Variants in PRKAR1A observed in about 807,000 individuals in gnomAD.
The protein encoded by PRKAR1A is protein kinase cAMP-dependent type I regulatory subunit alpha.
In PRKAR1A, 3 loss-of-function variants were observed where a neutral mutation model predicts 52.0. That is an observed-to-expected ratio of 0.06 (90% CI 0.03 to 0.15). The LOEUF (loss-of-function observed/expected upper bound fraction) is 0.15. PRKAR1A is among the 10% of genes least tolerant of loss of function. The pLI is 1.00. For synonymous variants in PRKAR1A, 188 were observed against 168.4 expected, an observed-to-expected ratio of 1.12 and a Z score of -0.90; for missense variants, 240 against 477.4, an observed-to-expected ratio of 0.50 and a Z score of 4.63.
At chr17:68,457,214 G>A in the PRKAR1A span, 118 of 1,144,428 alleles carry the variant, frequency 1.0e-4, no homozygotes, top group African/African-American at 1.1e-3. Flanking sequence ...CAATGCGTCC[G>A]AAGCAGACAC....
the PRKAR1A span, chr17:68,420,425 A>C: frequency 6.2e-7 from 1 of 1,614,196 alleles, no homozygotes; most frequent in Non-Finnish European, 8.5e-7. Context: ...TCCCTGCTGT[A>C]ATCCCTACCA....
downstream of PRKAR1A, chr17:68,537,352 T>C (rs749948248): frequency 8.1e-7 from 1 of 1,238,070 alleles, no homozygotes; most frequent in East Asian, 2.4e-5. The surrounding 1 kb of genome is among the most constrained non-coding windows in gnomAD (Gnocchi z 4.2). Context: ...TGAGAAAATG[T>C]CCTGCTTCCT....
the PRKAR1A span, among the ~76,000 whole-genome samples, chr17:68,485,146 A>G: frequency 2.0e-5 from 3 of 152,218 alleles, no homozygotes; most frequent in South Asian, 2.1e-4. Context: ...CCACCAAACT[A>G]TCATGGAAAA....
chr17:68,497,502 C>G, the PRKAR1A span, among the ~76,000 whole-genome samples: 1 of 152,168 alleles, frequency 6.6e-6, no homozygotes, highest in South Asian at 2.1e-4. Flanking sequence ...AAGGAAAAGA[C>G]TTTTAAGCTT....
At chr17:68,419,019 A>G in the PRKAR1A span, among the ~76,000 whole-genome samples, 1 of 124,168 alleles carries the variant, frequency 8.1e-6, no homozygotes, top group African/African-American at 4.3e-5. Flanking sequence ...AGCAAAGCCA[A>G]AAAAAAAAAA....
chr17:68,515,098 T>C (rs904624339), intron 1 of PRKAR1A: 1 of 414,090 alleles, frequency 2.4e-6, no homozygotes. Context: ...AGGGCCTGAC[T>C]TCAGCACCCG....
chr17:68,515,731 G>T, intron 2 of PRKAR1A, 155 bp downstream of exon 2: 1 of 943,344 alleles, frequency 1.1e-6, no homozygotes, highest in Non-Finnish European at 1.6e-6. Context: ...TAAGGCATTT[G>T]TAGTAATTTA....
the PRKAR1A span, among the ~76,000 whole-genome samples, chr17:68,445,377 C>T: frequency 4.6e-5 from 7 of 152,210 alleles, no homozygotes; most frequent in African/African-American, 1.7e-4. Context: ...TTCTCTCCAT[C>T]ACCAAATCTT....
At chr17:68,496,008 C>T in the PRKAR1A span, among the ~76,000 whole-genome samples, 2 of 1,684 alleles carry the variant, frequency 1.2e-3, no homozygotes, top group African/African-American at 7.2e-3. Context: ...CCTCCCCTCC[C>T]CTCCCCTGCG....
At chr17:68,527,708 C>T (rs2085834539) in intron 7 of PRKAR1A, 132 bp from the exon 8 acceptor site, 2 of 708,642 alleles carry the variant, frequency 2.8e-6, no homozygotes, top group East Asian at 2.8e-5. Context: ...TTAAACTTTC[C>T]TCATTAAAAG....
chr17:68,447,656 G>A, the PRKAR1A span, among the ~76,000 whole-genome samples: 2 of 152,260 alleles, frequency 1.3e-5, no homozygotes, highest in Non-Finnish European at 2.9e-5. Flanking sequence ...CTCCTGAAGT[G>A]CTGGGACCAC....
the PRKAR1A span, among the ~76,000 whole-genome samples, chr17:68,466,405 C>G: frequency 2.8e-5 from 4 of 142,906 alleles, no homozygotes; most frequent in African/African-American, 1.1e-4. Flanking sequence ...TATGTTTTCT[C>G]TCTCTTTTTT....
intron 11 of PRKAR1A, among the ~76,000 whole-genome samples, chr17:68,548,776 G>A (rs1230710248): frequency 3.2e-5 from 4 of 126,356 alleles, no homozygotes; most frequent in African/African-American, 9.3e-5. Flanking sequence ...TCTGTCGCCT[G>A]GGCTGGAGTG....
chr17:68,534,052 A>G (rs903465991), downstream of PRKAR1A, among the ~76,000 whole-genome samples: 1 of 152,236 alleles, frequency 6.6e-6, no homozygotes, highest in Non-Finnish European at 1.5e-5. Context: ...AATAGCTATC[A>G]GTAAACGCTG....
the PRKAR1A span, among the ~76,000 whole-genome samples, chr17:68,452,091 T>A: frequency 2.6e-4 from 40 of 152,342 alleles, no homozygotes; most frequent in African/African-American, 9.4e-4. Flanking sequence ...GCATAAACCA[T>A]CACCCTGACA....
At chr17:68,540,490 G>A (rs1001243444) in intron 11 of PRKAR1A, 19 of 472,116 alleles carry the variant, frequency 4.0e-5, no homozygotes, top group South Asian at 6.2e-5. Flanking sequence ...TTGTGTGTCC[G>A]TGGCCTCGCC....
the PRKAR1A span, chr17:68,428,767 G>A: frequency 3.1e-5 from 41 of 1,331,392 alleles, no homozygotes; most frequent in Middle Eastern, 3.8e-4. Flanking sequence ...CGTTCTTGGC[G>A]AAGGGACAAC....
At chr17:68,507,189 G>A (rs937446545), upstream of PRKAR1A, among the ~76,000 whole-genome samples, 2 of 152,156 alleles carry the variant, frequency 1.3e-5, no homozygotes, top group East Asian at 1.9e-4. Flanking sequence ...CCTAGTCAAC[G>A]ATCATACCAT....
At chr17:68,488,833 C>T in the PRKAR1A span, among the ~76,000 whole-genome samples, 1 of 151,206 alleles carries the variant, frequency 6.6e-6, no homozygotes, top group Admixed American at 6.6e-5. Context: ...TAGACCTGAG[C>T]TCTGGAGTGA....
Sources: allele counts gnomAD v4.1 joint callset (sites outside exome capture counted in the v4.1 genomes callset), GRCh38; gene constraint gnomAD v4.1.1; non-coding constraint Gnocchi (gnomAD v3.1); transcripts MANE v1.5; gene names NCBI Gene and HGNC (gene_info 2026-07-23, HGNC 2026-07-21).